The following NELL1 variants were observed in gnomAD, a reference collection of about 807,000 sequenced individuals.
NELL1 encodes the protein protein kinase C-binding protein NELL1.
Under a neutral mutation model 107.4 loss-of-function variants are expected in NELL1, and 76 were observed. That is an observed-to-expected ratio of 0.71 (90% confidence interval 0.59 to 0.86). NELL1 has a LOEUF of 0.86. Among genes scored for constraint, NELL1 ranks in the 40% least tolerant of loss-of-function variants. The pLI, the probability that NELL1 is intolerant of heterozygous loss-of-function variation, is 0.00. For synonymous variants in NELL1, 353 were observed against 341.2 expected (o/e 1.03, Z -0.38); for missense variants, 1,024 against 1,005.5 (o/e 1.02, Z -0.25).
chr11:20,795,357 A>G (rs1414937791), intron 3 of NELL1, among the ~76,000 whole-genome samples: 1 of 152,250 alleles, frequency 6.6e-6, no homozygotes, highest in East Asian at 1.9e-4. Context: ...ATGTAATGGA[A>G]TGGGTACTCT....
At chr11:21,503,696 T>C (rs993222508) in intron 15 of NELL1, among the ~76,000 whole-genome samples, 9 of 152,168 alleles carry the variant, frequency 5.9e-5, no homozygotes, top group Non-Finnish European at 1.2e-4. Flanking sequence ...GGTCGCTGGG[T>C]ATAAATCCAG....
At chr11:20,927,553 G>C in intron 8 of NELL1, 111 bp downstream of exon 8, 1 of 1,078,456 alleles carries the variant, frequency 9.3e-7, no homozygotes, top group Non-Finnish European at 1.3e-6. Flanking sequence ...AGAATTGTTA[G>C]GTTTTTACCT....
At chr11:21,403,964 C>G (rs1364214199) in intron 15 of NELL1, among the ~76,000 whole-genome samples, 2 of 150,630 alleles carry the variant, frequency 1.3e-5, no homozygotes, top group East Asian at 4.0e-4. Context: ...CCTCCTCTAA[C>G]CCTTGATCAA....
At chr11:20,934,574 T>C (rs1201646462) in intron 9 of NELL1, among the ~76,000 whole-genome samples, 1 of 152,222 alleles carries the variant, frequency 6.6e-6, no homozygotes, top group Non-Finnish European at 1.5e-5. Context: ...GGTGATCAAA[T>C]GTGTTAATAC....
At chr11:20,946,189 G>A (rs771462335) in intron 10 of NELL1, among the ~76,000 whole-genome samples, 13 of 152,100 alleles carry the variant, frequency 8.5e-5, no homozygotes, top group Admixed American at 5.9e-4. Flanking sequence ...TCATGAAGAC[G>A]GAAAACTCAG....
intron 15 of NELL1, among the ~76,000 whole-genome samples, chr11:21,401,662 G>T (rs1445558296): frequency 6.6e-6 from 1 of 151,720 alleles, no homozygotes; most frequent in Non-Finnish European, 1.5e-5. Flanking sequence ...GTTAGAGAAA[G>T]TAAGGCAGAC....
At position 21,575,119 on chromosome 11, in the gene NELL1, G is replaced by GT. The variant is rs745961190; in HGVS notation, c.*104dup. ...GTAGTTTGGTTTTTTTGTTTGTTTTGTTTTTTTAACCACAGATAATTGCCA... is the reference window on the plus strand; with the variant it reads ...GTAGTTTGGTTTTTTTGTTTGTTTTGTTTTTTTTAACCACAGATAATTGCCA... On this transcript the variant is annotated 3_prime_UTR_variant, in exon 20 of 20. Transcript: ENST00000357134. 41 of 1,174,208 alleles carry GT rather than the reference G, an allele frequency of 3.5e-5. No individual in the cohort carries two copies. The highest frequency in any genetic ancestry group is 4.9e-5 in the East Asian group (2 of 40,548). The allele number at this position is 1,174,208 out of a possible 1,614,324, so 72.7% of individuals were successfully genotyped here.
In NELL1 at chr11:21,011,850, C is replaced by T. The variant is rs150229157; in HGVS notation, c.1300+51290C>T. Among the ~76,000 whole-genome samples the T allele has an allele frequency of 3.8e-3, 579 of 152,258 alleles. 1 individual carries two copies. The highest frequency in any genetic ancestry group is 0.012 in the African/African-American group (516 of 41,562). On this transcript the variant is annotated intron_variant, in intron 12 of 19. Transcript: ENST00000357134. ...CCTCCACCACTTAGTGCATAATGAACATCCAATAAACTATTAAATAAGCAT... is the reference window on the plus strand; with the variant it reads ...CCTCCACCACTTAGTGCATAATGAATATCCAATAAACTATTAAATAAGCAT...
At chr11:21,490,859 T>C (rs1854787808) in intron 15 of NELL1, among the ~76,000 whole-genome samples, 1 of 151,806 alleles carries the variant, frequency 6.6e-6, no homozygotes, top group Admixed American at 6.6e-5. Context: ...ATAAAAAACA[T>C]AAGGAAAACA....
rs199785869 is a variant in NELL1, at chr11:21,226,487, TA to T, written c.1427-2843del. On this transcript the variant is annotated intron_variant, in intron 13 of 19. Transcript: ENST00000357134. ...GAAAGTTATATAAAGTACTGTTGTC[TA>T]AGTTTCTTCATTGTAAAATGAGCAA... is the stretch of plus-strand genomic sequence containing the variant. 6.5e-3 allele frequency among the ~76,000 whole-genome samples: 988 copies of T among 152,332 alleles called. 16 individuals carry two copies. The highest frequency in any genetic ancestry group is 0.022 in the African/African-American group (908 of 41,570).
intron 3 of NELL1, among the ~76,000 whole-genome samples, chr11:20,844,922 A>G (rs370761186): frequency 6.6e-6 from 1 of 152,216 alleles, no homozygotes; most frequent in Non-Finnish European, 1.5e-5. Flanking sequence ...GCTACAGCCA[A>G]ATCCCATCAG....
chr11:21,083,687 A>G (rs1011458780), intron 12 of NELL1, among the ~76,000 whole-genome samples: 1 of 152,162 alleles, frequency 6.6e-6, no homozygotes, highest in Non-Finnish European at 1.5e-5. Flanking sequence ...GAGTATGTAT[A>G]TGTCCCTGTC....
intron 18 of NELL1, 149 bp from the exon 19 acceptor site, chr11:21,573,036 T>C (rs111879028): frequency 0.015 from 9,551 of 641,946 alleles, 622 homozygotes; most frequent in African/African-American, 0.15. Flanking sequence ...TAGTAGGTCT[T>C]CAAGGAGGAA....
chr11:21,554,152 G>T (rs1223083321), intron 16 of NELL1, among the ~76,000 whole-genome samples: 4 of 151,756 alleles, frequency 2.6e-5, no homozygotes, highest in African/African-American at 7.3e-5. Context: ...ATTTTAAGCA[G>T]ATTTAATCAC....
intron 18 of NELL1, among the ~76,000 whole-genome samples, chr11:21,571,862 A>G (rs1016234308): frequency 1.3e-5 from 2 of 151,886 alleles, no homozygotes; most frequent in African/African-American, 4.8e-5. Flanking sequence ...AATGGAAACT[A>G]TTAGCTGTGT....
At chr11:21,260,122 T>C (rs1468623926) in intron 14 of NELL1, 1 of 151,930 alleles carries the variant, frequency 6.6e-6, no homozygotes, top group African/African-American at 2.4e-5. Context: ...AATAGTCTTA[T>C]CACATAATAT....
intron 3 of NELL1, among the ~76,000 whole-genome samples, chr11:20,787,729 A>T (rs1856996695): frequency 6.6e-6 from 1 of 152,214 alleles, no homozygotes. Flanking sequence ...AGATTCCTAG[A>T]TAATTTTTTA....
intron 15 of NELL1, among the ~76,000 whole-genome samples, chr11:21,420,965 G>C (rs1203577487): frequency 6.6e-6 from 1 of 151,968 alleles, no homozygotes. Flanking sequence ...ATCAGTAAAG[G>C]CTACAAGATA....
chr11:21,128,766 C>G (rs757519560), intron 13 of NELL1, among the ~76,000 whole-genome samples: 2 of 152,138 alleles, frequency 1.3e-5, no homozygotes, highest in Non-Finnish European at 2.9e-5. Context: ...GCCACCCAGG[C>G]TGAGTGGTAT....
Sources: allele counts gnomAD v4.1 joint callset (sites outside exome capture counted in the v4.1 genomes callset), GRCh38; gene constraint gnomAD v4.1.1; transcripts MANE v1.5; gene names NCBI Gene and HGNC (gene_info 2026-07-23, HGNC 2026-07-21).